EDN1: variants seen among roughly 807,000 people sequenced by gnomAD.
EDN1 encodes endothelin 1.
EDN1 carries 11 observed loss-of-function variants against 21.7 expected under a neutral mutation model. That is an observed-to-expected ratio of 0.51 (90% CI 0.32 to 0.84). The LOEUF (loss-of-function observed/expected upper bound fraction) is 0.84. Among genes scored for constraint, EDN1 ranks in the 40% least tolerant of loss-of-function variants. EDN1 has a pLI of 0.03. For missense variants in EDN1, 244 were observed against 262.3 expected (o/e 0.93, Z 0.48); for synonymous variants, 85 against 90.6 (o/e 0.94, Z 0.35).
At chr6:12,248,711 T>C in the EDN1 span, among the ~76,000 whole-genome samples, 4 of 152,216 alleles carry the variant, frequency 2.6e-5, no homozygotes, top group African/African-American at 9.7e-5. Flanking sequence ...GCTTGTGGAC[T>C]TTTTGCAAAC....
the EDN1 span, among the ~76,000 whole-genome samples, chr6:12,259,317 C>T: frequency 6.6e-6 from 1 of 151,452 alleles, no homozygotes; most frequent in African/African-American, 2.4e-5. Context: ...AATTAATGAG[C>T]ATTCATTAGC....
At chr6:12,234,024 C>T in the EDN1 span, among the ~76,000 whole-genome samples, 1 of 152,210 alleles carries the variant, frequency 6.6e-6, no homozygotes, top group Non-Finnish European at 1.5e-5. Context: ...TTGTGTGGCT[C>T]ACACTCCTTG....
chr6:12,275,900 C>T, the EDN1 span, among the ~76,000 whole-genome samples: 8 of 151,972 alleles, frequency 5.3e-5, no homozygotes, highest in Non-Finnish European at 8.8e-5. Flanking sequence ...TGGTGGCTCA[C>T]GCCTGTAATC....
chr6:12,287,763 C>CACAG, upstream of EDN1, among the ~76,000 whole-genome samples: 2 of 150,642 alleles, frequency 1.3e-5, no homozygotes, highest in Non-Finnish European at 3.0e-5. Context: ...CAGGCGCGCG[C>CACAG]GCGCGCGCGC....
At chr6:12,257,475 T>C in the EDN1 span, among the ~76,000 whole-genome samples, 1 of 152,198 alleles carries the variant, frequency 6.6e-6, no homozygotes, top group Non-Finnish European at 1.5e-5. Flanking sequence ...ACATGCTTAA[T>C]GAGGGATTTT....
chr6:12,255,163 T>C, the EDN1 span, among the ~76,000 whole-genome samples: 1 of 152,130 alleles, frequency 6.6e-6, no homozygotes, highest in Non-Finnish European at 1.5e-5. Context: ...AACACAAAAC[T>C]CTTGAATTGA....
chr6:12,292,581 T>C, intron 2 of EDN1, 72 bp downstream of exon 2: 1 of 1,580,832 alleles, frequency 6.3e-7, no homozygotes, highest in Non-Finnish European at 8.7e-7. Flanking sequence ...AGTTTTAGAG[T>C]TTCTTTTCTA....
At position 12,295,924 on chromosome 6, in the gene EDN1, T is replaced by TA. The variant is rs199830490; in HGVS notation, c.534-34dup. The TA allele has an allele frequency of 1.5e-3, 2,384 of 1,600,184 alleles. 38 individuals carry two copies. In the African/African-American group the frequency reaches 0.029, roughly 20 times the overall value. ...TTCTTTTGCCAAAGGGTGATTTTTT[T>TA]AAAATAACATTTGTTTTCTCTTATC... On this transcript the variant is annotated intron_variant, in intron 4 of 4. Transcript: ENST00000379375.
At chr6:12,255,245 T>A in the EDN1 span, among the ~76,000 whole-genome samples, 2 of 152,276 alleles carry the variant, frequency 1.3e-5, no homozygotes, top group East Asian at 3.9e-4. Context: ...AATAGCACCT[T>A]CATAAATTAT....
chr6:12,267,214 A>G, the EDN1 span, among the ~76,000 whole-genome samples: 1 of 152,234 alleles, frequency 6.6e-6, no homozygotes, highest in African/African-American at 2.4e-5. Context: ...TCTGTGTCAC[A>G]TTTTGGTAAT....
chr6:12,264,563 G>A, the EDN1 span, among the ~76,000 whole-genome samples: 1 of 152,128 alleles, frequency 6.6e-6, no homozygotes, highest in Admixed American at 6.6e-5. Flanking sequence ...ATAGGAAGAG[G>A]AAGAATTGTT....
chr6:12,282,468 C>T, the EDN1 span, among the ~76,000 whole-genome samples: 1 of 152,198 alleles, frequency 6.6e-6, no homozygotes, highest in South Asian at 2.1e-4. Context: ...GCTTTACATA[C>T]ACATTAGCAG....
At chr6:12,252,900 GA>G in the EDN1 span, among the ~76,000 whole-genome samples, 1 of 152,160 alleles carries the variant, frequency 6.6e-6, no homozygotes, top group Non-Finnish European at 1.5e-5. Flanking sequence ...TGAAAAAGAA[GA>G]AAAAGAAGAA....
chr6:12,249,209 G>A, the EDN1 span, among the ~76,000 whole-genome samples: 2 of 152,144 alleles, frequency 1.3e-5, no homozygotes, highest in Admixed American at 6.6e-5. Flanking sequence ...GGAGTAGCAA[G>A]GATCTAGAAT....
upstream of EDN1, among the ~76,000 whole-genome samples, chr6:12,287,018 G>T (rs2113788777): frequency 6.6e-6 from 1 of 152,218 alleles, no homozygotes; most frequent in East Asian, 1.9e-4. Context: ...TCAGGAGGCT[G>T]AAGTAGGAGT....
chr6:12,273,045 T>C, the EDN1 span, among the ~76,000 whole-genome samples: 1 of 152,122 alleles, frequency 6.6e-6, no homozygotes, highest in South Asian at 2.1e-4. Flanking sequence ...AGCCCAGTGA[T>C]GAGCACTAAG....
chr6:12,281,503 A>G, the EDN1 span, among the ~76,000 whole-genome samples: 2 of 152,366 alleles, frequency 1.3e-5, no homozygotes, highest in African/African-American at 2.4e-5. Context: ...TTCTCATTCT[A>G]TAATGGGGAA....
the EDN1 span, among the ~76,000 whole-genome samples, chr6:12,257,083 GCTAAT>G: frequency 6.6e-6 from 1 of 152,150 alleles, no homozygotes; most frequent in Non-Finnish European, 1.5e-5. Flanking sequence ...ATTTGATGTT[GCTAAT>G]CTAATTTCAA....
chr6:12,266,189 C>A, the EDN1 span, among the ~76,000 whole-genome samples: 1 of 152,032 alleles, frequency 6.6e-6, no homozygotes, highest in Non-Finnish European at 1.5e-5. Context: ...TTGTCTCACA[C>A]TTTGATACAT....
Sources: gnomAD v4.1 joint callset for allele counts (sites outside exome capture counted in the v4.1 genomes callset) on GRCh38, gnomAD v4.1.1 for gene constraint, MANE v1.5 for transcripts, NCBI Gene and HGNC (gene_info 2026-07-23, HGNC 2026-07-21) for gene names.